LMO7: variants seen among roughly 807,000 people sequenced by gnomAD.
LMO7 encodes the protein LIM domain only protein 7.
Under a neutral mutation model 206.5 loss-of-function variants are expected in LMO7, and 120 were observed. The ratio of observed to expected loss-of-function variants is 0.58; its 90% confidence interval spans 0.50 to 0.68. The LOEUF is 0.68. LMO7 is among the 30% of genes least tolerant of loss of function. LMO7 has a pLI of 0.00. For synonymous variants in LMO7, 706 were observed against 681.5 expected (o/e 1.04, Z -0.56); for missense variants, 1,959 against 1,957.9 (o/e 1.00, Z -0.01).
chr13:75,697,647 C>T (rs2041998553), intron 1 of LMO7, among the ~76,000 whole-genome samples: 1 of 152,134 alleles, frequency 6.6e-6, no homozygotes, highest in African/African-American at 2.4e-5. Flanking sequence ...TCTTTGTTAT[C>T]TTGAAAGGGA....
rs116702190 is a variant in LMO7 at position 75,757,147 on chromosome 13, G to A, written c.211-3785G>A. On this transcript the variant is annotated intron_variant, in intron 3 of 30. Transcript: ENST00000377534. ...ACGGGCTCTATCAAGCAGCCCTTTG[G>A]AGATGTCCATTTGGTAAAGAACCAA... Among the ~76,000 whole-genome samples the A allele has an allele frequency of 8.5e-3, 1,298 of 152,238 alleles. 25 individuals are homozygous for A. The highest frequency in any genetic ancestry group is 0.029 in the African/African-American group (1,222 of 41,542).
intron 15 of LMO7, among the ~76,000 whole-genome samples, chr13:75,824,829 GTA>G (rs200826029): frequency 0.014 from 2,124 of 151,642 alleles, 41 homozygotes; most frequent in East Asian, 0.095. Context: ...GTGTGTGTGT[GTA>G]TATATATTTA....
At chr13:75,771,354 T>C (rs2049639519) in intron 4 of LMO7, among the ~76,000 whole-genome samples, 1 of 152,120 alleles carries the variant, frequency 6.6e-6, no homozygotes, top group Non-Finnish European at 1.5e-5. Context: ...TAAGTGTATG[T>C]AGATGCCTTT....
intron 1 of LMO7, among the ~76,000 whole-genome samples, chr13:75,703,739 T>TGTGTGTGTGTGTGTGTGTGCGCGCGC (rs57290262): frequency 2.6e-5 from 4 of 151,674 alleles, no homozygotes; most frequent in African/African-American, 9.7e-5. Context: ...TGTGTGTGTG[T>TGTGTGTGTGTGTGTGTGTGCGCGCGC]GCACTGTGAG....
intron 14 of LMO7, among the ~76,000 whole-genome samples, chr13:75,823,090 C>A (rs559864801): frequency 6.6e-6 from 1 of 152,010 alleles, no homozygotes; most frequent in Non-Finnish European, 1.5e-5. Flanking sequence ...ACACCAAGAC[C>A]TTTTGGCTCT....
chr13:75,783,347 G>A (rs1258289202), intron 4 of LMO7, among the ~76,000 whole-genome samples: 1 of 152,074 alleles, frequency 6.6e-6, no homozygotes, highest in African/African-American at 2.4e-5. Flanking sequence ...TTGACACAGA[G>A]TCTCGCTCTG....
At chr13:75,761,798 A>G (rs994332283) in intron 4 of LMO7, among the ~76,000 whole-genome samples, 6 of 152,280 alleles carry the variant, frequency 3.9e-5, no homozygotes, top group Middle Eastern at 3.4e-3. Flanking sequence ...TTAATTTTAT[A>G]ATAACTATCT....
intron 3 of LMO7, among the ~76,000 whole-genome samples, chr13:75,748,184 G>T (rs2047004625): frequency 6.6e-6 from 1 of 152,196 alleles, no homozygotes; most frequent in Non-Finnish European, 1.5e-5. Context: ...AGGGCACCTT[G>T]ATTTTAAATC....
chr13:75,780,519 A>C (rs182094921), intron 4 of LMO7, among the ~76,000 whole-genome samples: 2 of 152,146 alleles, frequency 1.3e-5, no homozygotes, highest in Non-Finnish European at 2.9e-5. Flanking sequence ...CTGTTATCCT[A>C]TTCCTTTTCT....
chr13:75,701,080 T>C lies in LMO7; in HGVS notation c.70-12102T>C, dbSNP rs532451750. ...TGTTATGAACATTCATATACAAGTTTTTGTGTGGAGGTATGCTTTCATCTC... is the reference window on the plus strand; with the variant it reads ...TGTTATGAACATTCATATACAAGTTCTTGTGTGGAGGTATGCTTTCATCTC... On this transcript the variant is annotated intron_variant, in intron 1 of 30. Transcript: ENST00000377534. Among the ~76,000 whole-genome samples the C allele has an allele frequency of 3.9e-5, 6 of 152,304 alleles. No homozygotes were observed. The East Asian group carries it at 1.2e-3, about 29-fold the overall frequency.
intron 4 of LMO7, among the ~76,000 whole-genome samples, chr13:75,782,719 G>C (rs965369175): frequency 1.4e-4 from 21 of 152,274 alleles, no homozygotes; most frequent in African/African-American, 4.3e-4. Context: ...GTCTCTTCTA[G>C]GGATAGCCAA....
chr13:75,659,073 G>C (rs190017788), intron 1 of LMO7, among the ~76,000 whole-genome samples: 10 of 151,908 alleles, frequency 6.6e-5, no homozygotes, highest in Non-Finnish European at 1.5e-4. Context: ...TTATTACCTT[G>C]GTCAGCATCT....
chr13:75,624,295 A>G (rs1049855811), intron 2 of LMO7, among the ~76,000 whole-genome samples: 4 of 152,180 alleles, frequency 2.6e-5, no homozygotes, highest in African/African-American at 7.2e-5. Context: ...TTTGAATATG[A>G]CTATTTCCAA....
At chr13:75,677,320 CT>C (rs2139449457) in intron 1 of LMO7, among the ~76,000 whole-genome samples, 1 of 152,266 alleles carries the variant, frequency 6.6e-6, no homozygotes. Context: ...TTAATTCTTA[CT>C]GATATCTATA....
chr13:75,635,123 A>C (rs923562273), upstream of LMO7, among the ~76,000 whole-genome samples: 2 of 152,250 alleles, frequency 1.3e-5, no homozygotes, highest in African/African-American at 4.8e-5. Flanking sequence ...GGCAAAAGGC[A>C]AACAGTTGTT....
chr13:75,760,457 T>G (rs1594776726), intron 3 of LMO7: 24 of 1,185,754 alleles, frequency 2.0e-5, no homozygotes, highest in Non-Finnish European at 2.5e-5. Context: ...CGTTCTGTAA[T>G]TTGTAATCAT....
chr13:75,708,876 A>C (rs13378926), intron 1 of LMO7, among the ~76,000 whole-genome samples: 11,796 of 152,030 alleles, frequency 0.078, 1,015 homozygotes, highest in African/African-American at 0.21. Flanking sequence ...ATACATGTGC[A>C]ATGTTGGTGT....
chr13:75,809,151 T>TA lies in LMO7; in HGVS notation c.1917-2dup. ...TTTAATTTTTGGTTTTCTGGTTTCT[T>TA]AGACTCTTTCAAAAGATTTATGGTG... is the stretch of plus-strand genomic sequence containing the variant. On this transcript the variant is annotated splice_polypyrimidine_tract_variant and splice_region_variant and intron_variant, in intron 10 of 30. Transcript: ENST00000377534. 1 of 1,611,408 alleles carries TA rather than the reference T, an allele frequency of 6.2e-7. No individual in the cohort carries two copies. The highest frequency in any genetic ancestry group is 8.5e-7 in the Non-Finnish European group (1 of 1,177,716).
At chr13:75,697,515 C>T (rs895064152) in intron 1 of LMO7, among the ~76,000 whole-genome samples, 1 of 152,104 alleles carries the variant, frequency 6.6e-6, no homozygotes, top group Non-Finnish European at 1.5e-5. Context: ...GGAAACTGCC[C>T]CCATGATTCA....
Sources: allele counts gnomAD v4.1 joint callset (sites outside exome capture counted in the v4.1 genomes callset), GRCh38; gene constraint gnomAD v4.1.1; transcripts MANE v1.5; gene names NCBI Gene and HGNC (gene_info 2026-07-23, HGNC 2026-07-21).